The following PSAPL1 variants were observed in gnomAD, a reference collection of about 807,000 sequenced individuals.
PSAPL1 encodes the protein proactivator polypeptide-like 1.
For synonymous variants in PSAPL1, 351 were observed against 291.6 expected (o/e 1.20, Z -2.08); for missense variants, 814 against 688.8 (o/e 1.18, Z -2.03).
chr4:7,433,194 G>C lies in PSAPL1; in HGVS notation c.*120C>G. 1 of 1,093,328 alleles carries C rather than the reference G, an allele frequency of 9.1e-7. No homozygotes were observed. The highest frequency in any genetic ancestry group is 3.1e-5 in the South Asian group (1 of 32,210). The allele number at this position is 1,093,328 out of a possible 1,614,324, so 67.7% of individuals were successfully genotyped here. On this transcript the variant is annotated 3_prime_UTR_variant, in exon 1 of 1. Transcript: ENST00000319098. ...CAGGAATACTTGGTTTTGAACTTCA[G>C]CTCTGCTCCTTCCCAGCCTCCCTCC...
chr4:7,431,761 A>G lies in PSAPL1; in HGVS notation c.*1553T>C, dbSNP rs1441255307. On this transcript the variant is annotated 3_prime_UTR_variant, in exon 1 of 1. Coordinates refer to ENST00000319098, the MANE Select transcript of PSAPL1 (RefSeq NM_001085382.2). ...AGCCAATAGGGGCCACTTCTGAGGC[A>G]TCCAGAATCTCAGGCCCAGTGTGCC... 6.6e-6 allele frequency: 1 copy of G among 152,190 alleles called. No homozygotes were observed. The highest frequency in any genetic ancestry group is 1.5e-5 in the Non-Finnish European group (1 of 68,038). The allele number at this position is 152,190 out of a possible 1,614,324, so 9.4% of individuals were successfully genotyped here.
rs10033032 is a variant in PSAPL1, at chr4:7,432,290, G to A, written c.*1024C>T. ...AACGCTTGTGGTTTATACAGCGCTT[G>A]CACCGCCAGACTCTCCTGGGTGCCC... On this transcript the variant is annotated 3_prime_UTR_variant, in exon 1 of 1. Transcript: ENST00000319098. 22,950 of 152,034 alleles carry A rather than the reference G, an allele frequency of 0.15. 1,795 individuals are homozygous for A. The highest frequency in any genetic ancestry group is 0.18 in the Non-Finnish European group (12,533 of 67,962). 9.4% of individuals were successfully genotyped at this position (152,034 alleles called of 1,614,324 possible).
At position 7,434,152 on chromosome 4, in the gene PSAPL1, G is replaced by A. The variant is rs1342963637; in HGVS notation, c.728C>T (p.Pro243Leu). 30 of 1,613,826 alleles carry A rather than the reference G, an allele frequency of 1.9e-5. No individual in the cohort carries two copies. In the Admixed American group the frequency reaches 4.7e-4, roughly 25 times the overall value. The change falls in exon 1 of 1, where the codon CCC becomes CTC. Residue 243 changes from proline to leucine, a missense_variant. Coordinates refer to ENST00000319098, the MANE Select transcript of PSAPL1 (RefSeq NM_001085382.2). The part of the protein sequence containing the change: ...VPADQALRLL[P>L]PQELCRKGGF... ...CCCCTTCCTGCAGAGCTCCTGCGGG[G>A]GGAGAAGCCTCAGTGCTTGGTCAGC...
chr4:7,432,581 C>T lies in PSAPL1; in HGVS notation c.*733G>A, dbSNP rs1474563782. ...GAGCTTTTGCCTGGCATATTTTGCT[C>T]TCCTGACTTTGAGCACACCCCAAGA... On this transcript the variant is annotated 3_prime_UTR_variant, in exon 1 of 1. Transcript: ENST00000319098. The T allele has an allele frequency of 6.6e-6, 1 of 152,142 alleles. No individual in the cohort carries two copies. Among genetic ancestry groups the T allele is most frequent in the Non-Finnish European group, 1.5e-5 (1 of 68,050 alleles). 9.4% of individuals were successfully genotyped at this position (152,142 alleles called of 1,614,324 possible). A position where few individuals can be genotyped will look rare whatever the true frequency, so the allele number is the denominator to read the frequency against.
Position 7,433,052 on chromosome 4 carries a change from A to T in PSAPL1, c.*262T>A. The T allele has an allele frequency of 3.1e-6, 1 of 321,864 alleles. No homozygotes were observed. Among genetic ancestry groups the T allele is most frequent in the Non-Finnish European group, 5.6e-6 (1 of 178,116 alleles). The allele number at this position is 321,864 out of a possible 1,614,324, so 19.9% of individuals were successfully genotyped here. A position where few individuals can be genotyped will look rare whatever the true frequency, so the allele number is the denominator to read the frequency against. ...CGGCAACATCTCAGCCTTGGAGATG[A>T]GAGGGCAGCCTTGGCTGGGTCAGGG... On this transcript the variant is annotated 3_prime_UTR_variant, in exon 1 of 1. Transcript: ENST00000319098.
chr4:7,433,639 C>A lies in PSAPL1; in HGVS notation c.1241G>T (p.Ser414Ile). The change falls in exon 1 of 1, where the codon AGC becomes ATC. Residue 414 changes from serine (S) to isoleucine (I), a missense_variant. Physicochemically the swap from Ser to Ile is moderately radical, Grantham distance 142 (BLOSUM62 -2). Transcript: ENST00000319098. ...GGCCACCAGGATGTCTCGCTTGGTG[C>A]TCTTGCTCTCCAAGTTGTGGGAGGA... ...TVSSHNLESK[S>I]TKRDILVAFK... is the part of the protein sequence containing the mutation. 1 of 1,610,418 alleles carries A rather than the reference C, an allele frequency of 6.2e-7. No individual in the cohort carries two copies. The highest frequency in any genetic ancestry group is 2.2e-5 in the East Asian group (1 of 44,798).
chr4:7,432,506 C>G lies in PSAPL1; in HGVS notation c.*808G>C, dbSNP rs974344222. ...GGGCTGTGTTCACCGTCTTTGCCCT[C>G]GCTGCTCCACATCCCGGTGGCCACC... On this transcript the variant is annotated 3_prime_UTR_variant, in exon 1 of 1. Coordinates refer to ENST00000319098, the MANE Select transcript of PSAPL1 (RefSeq NM_001085382.2). 6.6e-6 allele frequency: 1 copy of G among 152,162 alleles called. No individual in the cohort carries two copies. Among genetic ancestry groups the G allele is most frequent in the Non-Finnish European group, 1.5e-5 (1 of 68,036 alleles). 9.4% of individuals were successfully genotyped at this position (152,162 alleles called of 1,614,324 possible).
In PSAPL1 at chr4:7,433,169, C is replaced by G; in HGVS notation, c.*145G>C. 1.2e-6 allele frequency: 1 copy of G among 808,910 alleles called. No homozygotes were observed. Among genetic ancestry groups the G allele is most frequent in the Non-Finnish European group, 1.7e-6 (1 of 584,940 alleles). The allele number at this position is 808,910 out of a possible 1,614,324, so 50.1% of individuals were successfully genotyped here. On this transcript the variant is annotated 3_prime_UTR_variant, in exon 1 of 1. Transcript: ENST00000319098. ...TTGTTAAGAGAGAGGCTTTCGGGAT[C>G]AGGAATACTTGGTTTTGAACTTCAG...
In PSAPL1 at chr4:7,433,097, T is replaced by C; in HGVS notation, c.*217A>G. ...TCAGGGAGCGGGGCACATGAGTGTGTTCCGGTCCAGTAGAGATGCTTTCAA... is the reference window on the plus strand; with the variant it reads ...TCAGGGAGCGGGGCACATGAGTGTGCTCCGGTCCAGTAGAGATGCTTTCAA... On this transcript the variant is annotated 3_prime_UTR_variant, in exon 1 of 1. Transcript: ENST00000319098. 2.4e-6 allele frequency: 1 copy of C among 414,924 alleles called. No homozygotes were observed. The highest frequency in any genetic ancestry group is 4.1e-6 in the Non-Finnish European group (1 of 244,970). 25.7% of individuals were successfully genotyped at this position (414,924 alleles called of 1,614,324 possible). A position where few individuals can be genotyped will look rare whatever the true frequency, so the allele number is the denominator to read the frequency against.
Position 7,432,908 on chromosome 4 carries a change from C to T in PSAPL1, c.*406G>A, listed in dbSNP as rs1726980340. Reference sequence around the variant, plus strand: ...TACTAGTGATGGGCCCTCGAAGCCTCCGTCCACCCCTGCCTCCGCTCACCC... The same window carrying T: ...TACTAGTGATGGGCCCTCGAAGCCTTCGTCCACCCCTGCCTCCGCTCACCC... On this transcript the variant is annotated 3_prime_UTR_variant, in exon 1 of 1. Transcript: ENST00000319098. The T allele has an allele frequency of 6.2e-6, 1 of 161,646 alleles. No homozygotes were observed. The highest frequency in any genetic ancestry group is 1.3e-5 in the Non-Finnish European group (1 of 74,866). 10.0% of individuals were successfully genotyped at this position (161,646 alleles called of 1,614,324 possible). A position where few individuals can be genotyped will look rare whatever the true frequency, so the allele number is the denominator to read the frequency against.
In PSAPL1 at chr4:7,433,084, G is replaced by T. The variant is rs551571989; in HGVS notation, c.*230C>A. ...AGCCTTGGCTGGGTCAGGGAGCGGG[G>T]CACATGAGTGTGTTCCGGTCCAGTA... On this transcript the variant is annotated 3_prime_UTR_variant, in exon 1 of 1. Transcript: ENST00000319098. The T allele has an allele frequency of 3.3e-4, 128 of 384,974 alleles. 1 individual carries two copies. The East Asian group carries it at 4.6e-3, about 14-fold the overall frequency. 23.8% of individuals were successfully genotyped at this position (384,974 alleles called of 1,614,324 possible).
In PSAPL1 at chr4:7,434,729, C is replaced by T. The variant is rs776371001; in HGVS notation, c.151G>A (p.Gly51Arg). 12 of 1,613,012 alleles carry T rather than the reference C, an allele frequency of 7.4e-6. No homozygotes were observed. In the South Asian group the frequency reaches 1.2e-4, roughly 16 times the overall value. Residue 51 changes from glycine (G) to arginine (R), a missense_variant, in exon 1 of 1, where the codon GGG becomes AGG. Coordinates refer to ENST00000319098, the MANE Select transcript of PSAPL1 (RefSeq NM_001085382.2). ...ARCGAVGYCQ[G>R]AVWNKPTAKS... is the part of the protein sequence containing the mutation. ...GCGGTGGGTTTGTTCCATACGGCCC[C>T]TTGGCAGTACCCCACAGCCCCGCAC...
chr4:7,434,071 T>A lies in PSAPL1; in HGVS notation c.809A>T (p.Asp270Val). 1.2e-6 allele frequency: 2 copies of A among 1,611,518 alleles called. No homozygotes were observed. Among genetic ancestry groups the A allele is most frequent in the South Asian group, 2.2e-5 (2 of 90,830 alleles). ...PARLTQVVAM[D>V]GVPSLELGLP... ...CCCCAGCTCCAGGGAGGGGACCCCG[T>A]CCATGGCCACTACTTGAGTCAAACG... Residue 270 changes from aspartate to valine, a missense_variant, in exon 1 of 1, where the codon GAC becomes GTC. Physicochemically the swap from Asp to Val is radical, Grantham distance 152 (BLOSUM62 -3). Transcript: ENST00000319098.
rs760567963 is a variant in PSAPL1 at position 7,433,492 on chromosome 4, C to T, written c.1388G>A (p.Cys463Tyr). Residue 463 changes from cysteine to tyrosine, a missense_variant, in exon 1 of 1, where the codon TGC (cysteine) becomes TAC (tyrosine). Transcript: ENST00000319098. ...GCCGTGGCAGGCCCCCACCTTCTTG[C>T]ACACAGCCACGGGGTCCATCATGTC... ...LKDMMDPVAV[C>Y]KKVGACHGPR... 1.9e-6 allele frequency: 3 copies of T among 1,593,644 alleles called. No individual in the cohort carries two copies. The highest frequency in any genetic ancestry group is 1.3e-5 in the African/African-American group (1 of 74,544).
rs966253965 is a variant in PSAPL1, at chr4:7,432,634, C to G, written c.*680G>C. The G allele has an allele frequency of 6.6e-6, 1 of 152,060 alleles. No homozygotes were observed. Among genetic ancestry groups the G allele is most frequent in the East Asian group, 1.9e-4 (1 of 5,178 alleles). 9.4% of individuals were successfully genotyped at this position (152,060 alleles called of 1,614,324 possible). On this transcript the variant is annotated 3_prime_UTR_variant, in exon 1 of 1. Coordinates refer to ENST00000319098, the MANE Select transcript of PSAPL1 (RefSeq NM_001085382.2). ...TTCCTTCTGCTCATTACCAGGGCAGCGGAGGGTCTGGGGTGCAAGGAGAGA... is the reference window on the plus strand; with the variant it reads ...TTCCTTCTGCTCATTACCAGGGCAGGGGAGGGTCTGGGGTGCAAGGAGAGA...
rs3796905 is a variant in PSAPL1, at chr4:7,434,078, C to A, written c.802G>T (p.Ala268Ser). The A allele has an allele frequency of 6.0e-3, 9,654 of 1,611,442 alleles. 407 individuals carry two copies. The East Asian group carries it at 0.085, about 14-fold the overall frequency. ...GAPARLTQVV[A>S]MDGVPSLELG... ...TCCAGGGAGGGGACCCCGTCCATGG[C>A]CACTACTTGAGTCAAACGGGCAGGT... is the stretch of plus-strand genomic sequence containing the variant. Residue 268 changes from alanine to serine, a missense_variant, in exon 1 of 1, where the codon GCC becomes TCC. Ala to Ser is a moderately conservative substitution (Grantham distance 99). Transcript: ENST00000319098.
Position 7,433,712 on chromosome 4 carries a change from C to T in PSAPL1, c.1168G>A (p.Glu390Lys). Reference protein sequence around the residue: ...AIVPSPEWDAENQGSFCNGCK... With the variant: ...AIVPSPEWDAKNQGSFCNGCK... ...CCATTGCAGAAGCTGCCCTGGTTCT[C>T]CGCGTCCCACTCTGGGGACGGCACG... is the stretch of plus-strand genomic sequence containing the variant. The change falls in exon 1 of 1, where the codon GAG becomes AAG. Residue 390 changes from glutamate (E) to lysine (K), a missense_variant. Glu to Lys is a moderately conservative substitution (Grantham distance 56). Transcript: ENST00000319098. The T allele has an allele frequency of 6.2e-7, 1 of 1,613,110 alleles. No homozygotes were observed. The highest frequency in any genetic ancestry group is 8.5e-7 in the Non-Finnish European group (1 of 1,179,642).
rs1275498484 is a variant in PSAPL1 at position 7,430,537 on chromosome 4, A to G, written c.*2777T>C. 6.6e-6 allele frequency: 1 copy of G among 152,268 alleles called. No homozygotes were observed. Among genetic ancestry groups the G allele is most frequent in the Non-Finnish European group, 1.5e-5 (1 of 68,076 alleles). 9.4% of individuals were successfully genotyped at this position (152,268 alleles called of 1,614,324 possible). A position where few individuals can be genotyped will look rare whatever the true frequency, so the allele number is the denominator to read the frequency against. ...TCCCAGGCCTCCGCCTTACGATGGC[A>G]TCTGAAGAATGCCCAGCATGTGTCT... On this transcript the variant is annotated 3_prime_UTR_variant, in exon 1 of 1. Transcript: ENST00000319098.
rs1415714958 is a variant in PSAPL1, at chr4:7,431,911, A to G, written c.*1403T>C. Reference sequence around the variant, plus strand: ...CCTGGCGCACCTCTTACTCAAGAGGAGAATTAATCCATGGGCCTCAGGTGA... The same window carrying G: ...CCTGGCGCACCTCTTACTCAAGAGGGGAATTAATCCATGGGCCTCAGGTGA... On this transcript the variant is annotated 3_prime_UTR_variant, in exon 1 of 1. Coordinates refer to ENST00000319098, the MANE Select transcript of PSAPL1 (RefSeq NM_001085382.2). The G allele has an allele frequency of 6.6e-6, 1 of 152,250 alleles. No homozygotes were observed. Among genetic ancestry groups the G allele is most frequent in the African/African-American group, 2.4e-5 (1 of 41,454 alleles). The allele number at this position is 152,250 out of a possible 1,614,324, so 9.4% of individuals were successfully genotyped here. A position where few individuals can be genotyped will look rare whatever the true frequency, so the allele number is the denominator to read the frequency against.
Sources: gnomAD v4.1 joint callset for allele counts on GRCh38, gnomAD v4.1.1 for gene constraint, MANE v1.5 for transcripts, NCBI Gene and HGNC (gene_info 2026-07-23, HGNC 2026-07-21) for gene names.